LOX: variants seen among roughly 807,000 people sequenced by gnomAD.
LOX encodes the protein protein-lysine 6-oxidase.
In LOX, 12 loss-of-function variants were observed where a neutral mutation model predicts 50.5. The observed-to-expected ratio is 0.24, with a 90% CI of 0.15 to 0.38. The LOEUF (loss-of-function observed/expected upper bound fraction) is 0.38, where lower values mean the gene tolerates loss of function less well. Among genes scored for constraint, LOX ranks in the 10% least tolerant of loss-of-function variants. The pLI is 1.00. For missense variants in LOX, 504 were observed against 563.8 expected (o/e 0.89, Z 1.07); for synonymous variants, 254 against 230.6 (o/e 1.10, Z -0.92).
Position 122,076,924 on chromosome 5 carries a change from T to C in LOX, c.709A>G (p.Arg237Gly). ...YVQKMSMYNL[R>G]CAAEENCLAS... is the part of the protein sequence containing the mutation. ...AGACAGTTTTCCTCCGCCGCGCATC[T>C]CAGGTTGTACATGGACATCTTCTGC... Residue 237 changes from arginine (R) to glycine (G), a missense_variant, in exon 2 of 7, where the codon AGA becomes GGA. Coordinates refer to ENST00000231004, the MANE Select transcript of LOX (RefSeq NM_002317.7). The C allele has an allele frequency of 6.2e-7, 1 of 1,613,622 alleles. No individual in the cohort carries two copies. Among genetic ancestry groups the C allele is most frequent in the Non-Finnish European group, 8.5e-7 (1 of 1,179,904 alleles).
At chr5:122,076,859 C>A in intron 2 of LOX, 34 bp downstream of exon 2, 1 of 1,593,828 alleles carries the variant, frequency 6.3e-7, no homozygotes, top group South Asian at 1.1e-5. Context: ...GAAGGTAGAC[C>A]GGGGAGCGGG....
At chr5:122,074,299 A>G in intron 3 of LOX, 130 bp from the exon 4 acceptor site, 1 of 714,772 alleles carries the variant, frequency 1.4e-6, no homozygotes, top group East Asian at 2.7e-5. Flanking sequence ...TTTATCTTCT[A>G]AAAGAGAGAT....
chr5:122,070,088 T>G lies in LOX; in HGVS notation c.1212A>C (p.Gly404=), dbSNP rs1754406872. ...NVVRCDIRYT[G]HHAYASGCTI... ...TGCAGCCTGAGGCATACGCATGATG[T>G]CCTGTGTAGCGAATGTCACAGCGCA... Residue 404 remains glycine, a synonymous_variant, in exon 6 of 7, where the codon GGA becomes GGC. Transcript: ENST00000231004. 6.2e-7 allele frequency: 1 copy of G among 1,612,948 alleles called. No individual in the cohort carries two copies. Among genetic ancestry groups the G allele is most frequent in the Admixed American group, 1.7e-5 (1 of 59,912 alleles).
In LOX at chr5:122,071,827, G is replaced by T. The variant is rs2152588268; in HGVS notation, c.1036-1238C>A. On this transcript the variant is annotated intron_variant, in intron 4 of 6. Transcript: ENST00000231004. ...ACCTTAGCATGCTCTACCAATGCTG[G>T]TTTAGCTGTAGCTTGATTTGGGAAG... is the stretch of plus-strand genomic sequence containing the variant. 2.0e-5 allele frequency among the ~76,000 whole-genome samples: 3 copies of T among 152,236 alleles called. No homozygotes were observed. In the East Asian group the frequency reaches 5.8e-4, roughly 29 times the overall value.
At chr5:122,069,653 G>A (rs1754395268) in intron 6 of LOX, among the ~76,000 whole-genome samples, 1 of 152,040 alleles carries the variant, frequency 6.6e-6, no homozygotes, top group Non-Finnish European at 1.5e-5. Flanking sequence ...TATGGCAGTG[G>A]TTTTCAAAAT....
rs1469797826 is a variant in LOX at position 122,078,146 on chromosome 5, G to A, written c.-161C>T. Reference sequence around the variant, plus strand: ...CAAGCAATGCCAAGGGTGGGATTCAGACCCTTCCCCAGTCAAGGCGGCTGC... The same window carrying A: ...CAAGCAATGCCAAGGGTGGGATTCAAACCCTTCCCCAGTCAAGGCGGCTGC... On this transcript the variant is annotated 5_prime_UTR_variant, in exon 1 of 7. Coordinates refer to ENST00000231004, the MANE Select transcript of LOX (RefSeq NM_002317.7). 5.0e-6 allele frequency: 3 copies of A among 595,510 alleles called. No individual in the cohort carries two copies. Among genetic ancestry groups the A allele is most frequent in the Non-Finnish European group, 7.8e-6 (3 of 386,160 alleles). 36.9% of individuals were successfully genotyped at this position (595,510 alleles called of 1,614,324 possible).
At chr5:122,070,734 G>T (rs972711103) in intron 4 of LOX, 145 bp from the exon 5 acceptor site, 4 of 528,296 alleles carry the variant, frequency 7.6e-6, no homozygotes, top group African/African-American at 1.9e-5. Context: ...TCTCCCTTGA[G>T]AAGTATTTAT....
At position 122,070,187 on chromosome 5, in the gene LOX, T is replaced by A. The variant is rs774984747; in HGVS notation, c.1132-19A>T. The A allele has an allele frequency of 5.2e-6, 7 of 1,334,064 alleles. No individual in the cohort carries two copies. The highest frequency in any genetic ancestry group is 3.6e-4 in the Middle Eastern group (2 of 5,500). 82.6% of individuals were successfully genotyped at this position (1,334,064 alleles called of 1,614,324 possible). A position where few individuals can be genotyped will look rare whatever the true frequency, so the allele number is the denominator to read the frequency against. The stretch of plus-strand genomic sequence containing the variant: ...CACTGACCTGGGCAACACAAAGAGT[T>A]CCTCAGTATTTCTTTTTCCATAGGG... On this transcript the variant is annotated intron_variant, in intron 5 of 6. Coordinates refer to ENST00000231004, the MANE Select transcript of LOX (RefSeq NM_002317.7).
In LOX at chr5:122,078,024, T is replaced by A. The variant is rs182442371; in HGVS notation, c.-39A>T. ...AGATTGACCCCGCTCGAGGAGGACG[T>A]GGCTCACAGAAAATAAAAACGGGGC... On this transcript the variant is annotated 5_prime_UTR_variant, in exon 1 of 7. Transcript: ENST00000231004. The A allele has an allele frequency of 1.4e-6, 2 of 1,432,290 alleles. No homozygotes were observed. Among genetic ancestry groups the A allele is most frequent in the Non-Finnish European group, 1.8e-6 (2 of 1,094,762 alleles). 88.7% of individuals were successfully genotyped at this position (1,432,290 alleles called of 1,614,324 possible).
At position 122,077,033 on chromosome 5, in the gene LOX, G is replaced by C; in HGVS notation, c.632-32C>G. ...GTCAGCAGGCGACGGGCGCAGCAGTGAAACAACCCGGCGCCCCCCGCTCCA... is the reference window on the plus strand; with the variant it reads ...GTCAGCAGGCGACGGGCGCAGCAGTCAAACAACCCGGCGCCCCCCGCTCCA... On this transcript the variant is annotated intron_variant, in intron 1 of 6. Transcript: ENST00000231004. The surrounding 1 kb of genome is among the most constrained non-coding windows in gnomAD (Gnocchi z 4.9). 1 of 1,608,380 alleles carries C rather than the reference G, an allele frequency of 6.2e-7. No homozygotes were observed. Among genetic ancestry groups the C allele is most frequent in the Non-Finnish European group, 8.5e-7 (1 of 1,179,496 alleles).
At chr5:122,071,401 A>ACT (rs1458377280) in intron 4 of LOX, among the ~76,000 whole-genome samples, 2 of 151,898 alleles carry the variant, frequency 1.3e-5, no homozygotes, top group African/African-American at 2.4e-5. Flanking sequence ...ACCCCACTAT[A>ACT]CTCTCTCTCA....
Position 122,077,826 on chromosome 5 carries a change from C to A in LOX, c.160G>T (p.Val54Leu). The A allele has an allele frequency of 6.4e-7, 1 of 1,552,222 alleles. No homozygotes were observed. Residue 54 changes from valine (V) to leucine (L), a missense_variant, in exon 1 of 7, where the codon GTG becomes TTG. Val to Leu is a conservative substitution (Grantham distance 32). Transcript: ENST00000231004. The surrounding 1 kb of genome is among the most constrained non-coding windows in gnomAD (Gnocchi z 4.9). ...QQIQWENNGQ[V>L]FSLLSLGSQY... Reference sequence around the variant, plus strand: ...GAGCCCAGGCTCAGCAAGCTGAACACCTGCCCGTTGTTCTCCCATTGGATC... The same window carrying A: ...GAGCCCAGGCTCAGCAAGCTGAACAACTGCCCGTTGTTCTCCCATTGGATC...
intron 3 of LOX, among the ~76,000 whole-genome samples, chr5:122,074,877 C>G (rs1754570703): frequency 6.6e-6 from 1 of 152,146 alleles, no homozygotes; most frequent in South Asian, 2.1e-4. Flanking sequence ...AGGCAAGTTA[C>G]TAAGGCAAAT....
chr5:122,077,949 A>G lies in LOX; in HGVS notation c.37T>C (p.Leu13=), dbSNP rs1754692827. 1.3e-6 allele frequency: 2 copies of G among 1,486,070 alleles called. No individual in the cohort carries two copies. Among genetic ancestry groups the G allele is most frequent in the Non-Finnish European group, 1.8e-6 (2 of 1,128,234 alleles). 92.1% of individuals were successfully genotyped at this position (1,486,070 alleles called of 1,614,324 possible). ...CAGTGCACTAGCGCGCAGAGCTGCAAAGGCCCGAGCAGGAGCACGGTCCAG... is the reference window on the plus strand; with the variant it reads ...CAGTGCACTAGCGCGCAGAGCTGCAGAGGCCCGAGCAGGAGCACGGTCCAG... ...FAWTVLLLGP[L]QLCALVHCAP... is the part of the protein sequence containing the mutation. The change falls in exon 1 of 7, where the codon TTG becomes CTG. Residue 13 remains leucine (L), a synonymous_variant. Transcript: ENST00000231004. The surrounding 1 kb of genome is among the most constrained non-coding windows in gnomAD (Gnocchi z 4.9).
chr5:122,077,495 T>A lies in LOX; in HGVS notation c.491A>T (p.Asp164Val), dbSNP rs755159541. Reference sequence around the variant, plus strand: ...GTAAGGGTCGTCGCCCACCATGCCGTCCACGCGGCTGGGCGGCCGCAGGTT... The same window carrying A: ...GTAAGGGTCGTCGCCCACCATGCCGACCACGCGGCTGGGCGGCCGCAGGTT... ...LSNLRPPSRV[D>V]GMVGDDPYNP... The change falls in exon 1 of 7, where the codon GAC becomes GTC. Residue 164 changes from aspartate to valine, a missense_variant. Asp to Val is a radical substitution (Grantham distance 152). Coordinates refer to ENST00000231004, the MANE Select transcript of LOX (RefSeq NM_002317.7). The surrounding 1 kb of genome is among the most constrained non-coding windows in gnomAD (Gnocchi z 4.9). 2 of 1,613,840 alleles carry A rather than the reference T, an allele frequency of 1.2e-6. No homozygotes were observed. Among genetic ancestry groups the A allele is most frequent in the Non-Finnish European group, 8.5e-7 (1 of 1,180,008 alleles).
At chr5:122,075,642 T>A in intron 2 of LOX, 101 bp from the exon 3 acceptor site, 1 of 731,020 alleles carries the variant, frequency 1.4e-6, no homozygotes, top group South Asian at 2.8e-5. Context: ...CAATCCTCCT[T>A]TCCCAACTAG....
intron 3 of LOX, chr5:122,075,201 C>G (rs1754579565): frequency 8.3e-6 from 4 of 482,732 alleles, no homozygotes; most frequent in South Asian, 7.8e-5. Flanking sequence ...CTTTAATAAG[C>G]TGGGCTTCAG....
chr5:122,069,039 C>T (rs962055121), intron 6 of LOX, among the ~76,000 whole-genome samples: 8 of 152,086 alleles, frequency 5.3e-5, no homozygotes, highest in African/African-American at 1.7e-4. Flanking sequence ...ATGTATGTGA[C>T]TCTGTTTTTT....
chr5:122,066,558 A>G lies in LOX; in HGVS notation c.*185T>C. On this transcript the variant is annotated 3_prime_UTR_variant, in exon 7 of 7. Transcript: ENST00000231004. ...AATAAACATTAAAAATTTCCCAAGT[A>G]ATGATGACTTAAGCGTTCAAAATCC... 1 of 495,500 alleles carries G rather than the reference A, an allele frequency of 2.0e-6. No homozygotes were observed. The allele number at this position is 495,500 out of a possible 1,614,324, so 30.7% of individuals were successfully genotyped here. A position where few individuals can be genotyped will look rare whatever the true frequency, so the allele number is the denominator to read the frequency against.
Sources: gnomAD v4.1 joint callset for allele counts (sites outside exome capture counted in the v4.1 genomes callset) on GRCh38, gnomAD v4.1.1 for gene constraint, Gnocchi (gnomAD v3.1) non-coding constraint, MANE v1.5 for transcripts, NCBI Gene and HGNC (gene_info 2026-07-23, HGNC 2026-07-21) for gene names.